TRIO: variants seen among roughly 807,000 people sequenced by gnomAD.
The protein encoded by TRIO is trio Rho guanine nucleotide exchange factor.
TRIO carries 58 observed loss-of-function variants against 351.9 expected under a neutral mutation model. The ratio of observed to expected loss-of-function variants is 0.16; its 90% CI spans 0.13 to 0.21. The LOEUF is 0.21. TRIO is among the 10% of genes least tolerant of loss of function. The probability of loss-of-function intolerance (pLI) is 1.00; values close to 1 mark genes in which losing one functional copy is unlikely to be tolerated. For synonymous variants in TRIO, 1,758 were observed against 1,595.7 expected (o/e 1.10, Z -2.42); for missense variants, 3,201 against 4,027.8 (o/e 0.79, Z 5.56).
chr5:14,347,922 A>G (rs1218751113), intron 11 of TRIO, among the ~76,000 whole-genome samples: 1 of 152,244 alleles, frequency 6.6e-6, no homozygotes, highest in Non-Finnish European at 1.5e-5. Context: ...GTTTTAATAT[A>G]TGAGTGTTTT....
At chr5:14,339,599 G>C (rs60616404) in intron 11 of TRIO, among the ~76,000 whole-genome samples, 22,935 of 152,136 alleles carry the variant, frequency 0.15, 3,213 homozygotes, top group African/African-American at 0.37. Context: ...TTGTGTGCAC[G>C]TCACGTAACC....
intron 9 of TRIO, among the ~76,000 whole-genome samples, chr5:14,318,888 C>T (rs1739621030): frequency 6.6e-6 from 1 of 152,222 alleles, no homozygotes. Flanking sequence ...CTCATTAACT[C>T]TTCCGAGGCA....
chr5:14,361,416 C>A (rs1744142200), intron 13 of TRIO, among the ~76,000 whole-genome samples: 1 of 152,170 alleles, frequency 6.6e-6, no homozygotes, highest in Non-Finnish European at 1.5e-5. Flanking sequence ...ACCTGCAGCC[C>A]AGTCTCAGGC....
intron 48 of TRIO, chr5:14,490,745 T>C: frequency 2.2e-6 from 1 of 453,900 alleles, no homozygotes; most frequent in South Asian, 1.6e-5. Flanking sequence ...TACTAATAGT[T>C]AGGATTGTAG....
At chr5:14,458,402 C>G (rs1753527477) in intron 34 of TRIO, among the ~76,000 whole-genome samples, 1 of 152,196 alleles carries the variant, frequency 6.6e-6, no homozygotes, top group Non-Finnish European at 1.5e-5. Flanking sequence ...CCTAGGTTAC[C>G]TGTGCCCACC....
intron 33 of TRIO, among the ~76,000 whole-genome samples, chr5:14,413,126 C>T (rs936209729): frequency 1.3e-5 from 2 of 152,248 alleles, no homozygotes; most frequent in African/African-American, 4.8e-5. Context: ...TCAGCCTCCC[C>T]TTCCTTCATC....
intron 11 of TRIO, among the ~76,000 whole-genome samples, chr5:14,350,384 G>A (rs1019646874): frequency 1.3e-5 from 2 of 152,270 alleles, no homozygotes; most frequent in African/African-American, 4.8e-5. Context: ...CTTACCTTGC[G>A]GGGATGTTGG....
chr5:14,179,096 A>G (rs1463711916), intron 1 of TRIO, among the ~76,000 whole-genome samples: 1 of 152,014 alleles, frequency 6.6e-6, no homozygotes, highest in African/African-American at 2.4e-5. Flanking sequence ...CCGCCTTCCC[A>G]TTTGGAGTGA....
chr5:14,507,197 G>T lies in TRIO; in HGVS notation c.8688G>T (p.Leu2896=), dbSNP rs376350332. The T allele has an allele frequency of 1.2e-6, 2 of 1,612,110 alleles. No individual in the cohort carries two copies. The highest frequency in any genetic ancestry group is 8.5e-7 in the Non-Finnish European group (1 of 1,179,846). The change falls in exon 56 of 57, where the codon CTG becomes CTT. Residue 2896 remains leucine, a synonymous_variant. Transcript: ENST00000344204. The stretch of plus-strand genomic sequence containing the variant: ...CTGAAGGGAAGATCAGGGCGCACCT[G>T]GGGGAGGTTCTGGAAGCTGTCCGGT... The part of the protein sequence containing the change: ...SLTEGKIRAH[L]GEVLEAVRYL...
chr5:14,401,458 T>G (rs1313345816), intron 31 of TRIO, among the ~76,000 whole-genome samples: 6 of 152,196 alleles, frequency 3.9e-5, no homozygotes, highest in African/African-American at 1.4e-4. Context: ...GGTGCGTGTT[T>G]GAGGACCTGC....
At chr5:14,192,627 T>C (rs1157506309) in intron 1 of TRIO, among the ~76,000 whole-genome samples, 1 of 152,216 alleles carries the variant, frequency 6.6e-6, no homozygotes, top group Non-Finnish European at 1.5e-5. Context: ...AAGAATATAA[T>C]GGGACCCTAC....
At chr5:14,389,206 G>A (rs1242956128) in intron 24 of TRIO, 83 bp from the exon 25 acceptor site, 28 of 1,009,382 alleles carry the variant, frequency 2.8e-5, no homozygotes, top group Non-Finnish European at 2.3e-5. Flanking sequence ...CATTAACTCT[G>A]TGTGTTTACA....
intron 31 of TRIO, among the ~76,000 whole-genome samples, chr5:14,402,631 CGGT>C (rs1256645475): frequency 6.7e-6 from 1 of 148,936 alleles, no homozygotes; most frequent in Non-Finnish European, 1.5e-5. Flanking sequence ...TTGGTGGTCA[CGGT>C]GGTATAGATG....
At chr5:14,454,652 G>A (rs1057003144) in intron 34 of TRIO, among the ~76,000 whole-genome samples, 5 of 152,216 alleles carry the variant, frequency 3.3e-5, no homozygotes, top group Admixed American at 6.5e-5. Context: ...CACGCTGCCT[G>A]CTGGCAGCTG....
rs767302275 is a variant in TRIO at position 14,508,185 on chromosome 5, G to A, written c.9057G>A (p.Val3019=). ...FSFPDDYFKG[V]SQKAKEFVCF... ...TCCCAGATGACTACTTTAAAGGAGT[G>A]AGCCAGAAGGCCAAGGAGTTCGTGT... is the stretch of plus-strand genomic sequence containing the variant. Residue 3019 remains valine, a synonymous_variant, in exon 57 of 57, where the codon GTG becomes GTA. Transcript: ENST00000344204. The A allele has an allele frequency of 6.2e-7, 1 of 1,614,168 alleles. No homozygotes were observed. The highest frequency in any genetic ancestry group is 2.2e-5 in the East Asian group (1 of 44,874).
chr5:14,466,768 C>T (rs74427686), intron 37 of TRIO, among the ~76,000 whole-genome samples: 1 of 152,242 alleles, frequency 6.6e-6, no homozygotes, highest in East Asian at 1.9e-4. Context: ...TATGTGTGTG[C>T]GTTTTCTTTC....
chr5:14,223,448 G>A (rs1338247467), intron 1 of TRIO, among the ~76,000 whole-genome samples: 1 of 152,218 alleles, frequency 6.6e-6, no homozygotes, highest in Non-Finnish European at 1.5e-5. Flanking sequence ...GGAGGCTGGT[G>A]TAAGTTGCAT....
intron 8 of TRIO, among the ~76,000 whole-genome samples, chr5:14,308,585 A>G (rs528621430): frequency 1.1e-4 from 17 of 148,590 alleles, no homozygotes; most frequent in Admixed American, 5.4e-4. Flanking sequence ...CATTTATCCA[A>G]TCATTCATTC....
chr5:14,363,465 G>T (rs569965283), intron 13 of TRIO, among the ~76,000 whole-genome samples: 49 of 152,146 alleles, frequency 3.2e-4, no homozygotes, highest in Non-Finnish European at 6.2e-4. Flanking sequence ...GATACACAAA[G>T]AGAAAAATTA....
Sources: allele counts gnomAD v4.1 joint callset (sites outside exome capture counted in the v4.1 genomes callset), GRCh38; gene constraint gnomAD v4.1.1; transcripts MANE v1.5; gene names NCBI Gene and HGNC (gene_info 2026-07-23, HGNC 2026-07-21).